Variants in ZHX2 observed in about 807,000 individuals in gnomAD.
The protein encoded by ZHX2 is zinc fingers and homeoboxes protein 2.
In ZHX2, 6 loss-of-function variants were observed where a neutral mutation model predicts 21.9. The observed-to-expected ratio is 0.27, with a 90% CI of 0.15 to 0.54. The LOEUF is 0.54. Ranked by LOEUF, ZHX2 falls within the 20% of genes least tolerant of loss-of-function variation. The pLI is 0.95. For missense variants in ZHX2, 908 were observed against 1,090.7 expected, an observed-to-expected ratio of 0.83 and a Z score of 2.36; for synonymous variants, 434 against 437.1, an observed-to-expected ratio of 0.99 and a Z score of 0.09.
At chr8:122,870,213 A>C (rs1316031476) in intron 2 of ZHX2, among the ~76,000 whole-genome samples, 1 of 152,172 alleles carries the variant, frequency 6.6e-6, no homozygotes, top group African/African-American at 2.4e-5. Flanking sequence ...GGGCAAGGTC[A>C]ATGAGGCAGA....
At chr8:122,939,928 C>T (rs1812799495) in intron 2 of ZHX2, among the ~76,000 whole-genome samples, 2 of 152,140 alleles carry the variant, frequency 1.3e-5, no homozygotes, top group Admixed American at 6.5e-5. Context: ...TCACCACTCA[C>T]GCTAGCTTAC....
chr8:122,962,717 G>T (rs1378058433), intron 3 of ZHX2, among the ~76,000 whole-genome samples: 1 of 152,130 alleles, frequency 6.6e-6, no homozygotes, highest in Non-Finnish European at 1.5e-5. Flanking sequence ...TTTCATAGTG[G>T]TTGTACTAGT....
At chr8:122,831,397 C>T (rs918303295) in intron 1 of ZHX2, among the ~76,000 whole-genome samples, 1 of 152,132 alleles carries the variant, frequency 6.6e-6, no homozygotes, top group Non-Finnish European at 1.5e-5. Flanking sequence ...GGAGACGTTA[C>T]AGGAGAGGTT....
At chr8:122,869,723 A>T (rs1819386317) in intron 2 of ZHX2, among the ~76,000 whole-genome samples, 1 of 152,226 alleles carries the variant, frequency 6.6e-6, no homozygotes. Context: ...AGAGCCATCG[A>T]GAGTGTGCAC....
intron 1 of ZHX2, among the ~76,000 whole-genome samples, chr8:122,825,713 T>G (rs1818249913): frequency 6.6e-6 from 1 of 152,206 alleles, no homozygotes; most frequent in South Asian, 2.1e-4. Context: ...GTAAAGAAGC[T>G]GATTCACCTG....
chr8:122,861,791 A>T (rs969842947), intron 1 of ZHX2, among the ~76,000 whole-genome samples: 6 of 152,170 alleles, frequency 3.9e-5, no homozygotes, highest in African/African-American at 1.4e-4. Context: ...TTAAAAAGTA[A>T]GGAGCTGATT....
At chr8:122,911,696 A>G (rs1165397982) in intron 2 of ZHX2, among the ~76,000 whole-genome samples, 3 of 152,202 alleles carry the variant, frequency 2.0e-5, no homozygotes, top group Admixed American at 6.5e-5. Flanking sequence ...TAGCACTCAC[A>G]GGATAGTGGG....
rs184522248 is a variant in ZHX2, at chr8:122,850,359, C to A, written c.-282-13118C>A. On this transcript the variant is annotated intron_variant, in intron 1 of 3. Transcript: ENST00000314393. ...CCCCATTCAAGACACCACTACCGGC[C>A]GGGCGCAGTGGCTCATGCCTGTAAT... Among the ~76,000 whole-genome samples, 3 of 152,104 alleles carry A rather than the reference C, an allele frequency of 2.0e-5. No individual in the cohort carries two copies. The East Asian group carries it at 5.8e-4, about 29-fold the overall frequency.
chr8:122,956,182 A>G (rs17370313), intron 3 of ZHX2, among the ~76,000 whole-genome samples: 32,262 of 151,884 alleles, frequency 0.21, 3,708 homozygotes, highest in South Asian at 0.46. Flanking sequence ...CATCCATGAC[A>G]CGTGTCTACA....
intron 2 of ZHX2, among the ~76,000 whole-genome samples, chr8:122,917,713 C>G (rs976003907): frequency 3.9e-5 from 6 of 152,160 alleles, no homozygotes; most frequent in African/African-American, 1.4e-4. Context: ...GAGTTACTTC[C>G]CCCAAAACCC....
At chr8:122,914,173 A>C (rs947704367) in intron 2 of ZHX2, among the ~76,000 whole-genome samples, 2 of 152,212 alleles carry the variant, frequency 1.3e-5, no homozygotes, top group Non-Finnish European at 1.5e-5. Flanking sequence ...AAGTCTGTAG[A>C]AGGAAGCAGG....
intron 3 of ZHX2, among the ~76,000 whole-genome samples, chr8:122,962,263 A>C (rs568445505): frequency 8.9e-4 from 135 of 152,204 alleles, no homozygotes; most frequent in Non-Finnish European, 1.7e-3. Context: ...GTGCTCTTTT[A>C]TCCCTGACCC....
At chr8:122,935,196 A>G (rs1170018378) in intron 2 of ZHX2, among the ~76,000 whole-genome samples, 1 of 150,528 alleles carries the variant, frequency 6.6e-6, no homozygotes, top group African/African-American at 2.5e-5. Flanking sequence ...TCTCATATTT[A>G]TCTATTCCTG....
intron 2 of ZHX2, among the ~76,000 whole-genome samples, chr8:122,904,474 C>G (rs911291716): frequency 1.3e-5 from 2 of 152,108 alleles, no homozygotes; most frequent in African/African-American, 4.8e-5. Flanking sequence ...TTATCCACTC[C>G]CTTAGTGTCA....
At chr8:122,836,765 C>T (rs1360260104) in intron 1 of ZHX2, among the ~76,000 whole-genome samples, 2 of 152,252 alleles carry the variant, frequency 1.3e-5, no homozygotes, top group South Asian at 2.1e-4. Flanking sequence ...TGCTATTTTG[C>T]TGGCCCACAC....
intron 2 of ZHX2, among the ~76,000 whole-genome samples, chr8:122,871,902 G>A (rs767357394): frequency 5.9e-5 from 9 of 152,098 alleles, no homozygotes; most frequent in Non-Finnish European, 8.8e-5. Flanking sequence ...TAGATGTATT[G>A]GGAATCAATA....
rs762180661 is a variant in ZHX2 at position 122,953,967 on chromosome 8, G to A, written c.2457G>A (p.Val819=). The A allele has an allele frequency of 5.0e-6, 8 of 1,613,682 alleles. No homozygotes were observed. In the African/African-American group the frequency reaches 1.1e-4, roughly 22 times the overall value. ...GGAGTCAGGCTGCGGCAGAAGGTGT[G>A]TCGGAACTGGCTGAATCAGACTCCG... ...DSWSQAAAEG[V]SELAESDSDC... Residue 819 remains valine (V), a synonymous_variant, in exon 3 of 4, where the codon GTG becomes GTA. Coordinates refer to ENST00000314393, the MANE Select transcript of ZHX2 (RefSeq NM_014943.5). This position sits in a 1 kb window ranked among gnomAD's most constrained non-coding sequence, Gnocchi z 4.6.
intron 3 of ZHX2, among the ~76,000 whole-genome samples, chr8:122,958,970 C>T (rs1012334172): frequency 3.9e-5 from 6 of 152,198 alleles, no homozygotes; most frequent in African/African-American, 1.4e-4. Flanking sequence ...GTAGTGCACA[C>T]AGAAACCAGA....
intron 2 of ZHX2, among the ~76,000 whole-genome samples, chr8:122,937,549 C>A (rs552145887): frequency 5.9e-5 from 9 of 151,714 alleles, no homozygotes; most frequent in African/African-American, 2.2e-4. Flanking sequence ...AGTGAGTAGA[C>A]CTTGTTCTCC....
Sources: gnomAD v4.1 joint callset for allele counts (sites outside exome capture counted in the v4.1 genomes callset) on GRCh38, gnomAD v4.1.1 for gene constraint, Gnocchi (gnomAD v3.1) non-coding constraint, MANE v1.5 for transcripts, NCBI Gene and HGNC (gene_info 2026-07-23, HGNC 2026-07-21) for gene names.